The following ICA1 variants were observed in gnomAD, a reference collection of about 807,000 sequenced individuals.
ICA1 encodes 69 kDa islet cell autoantigen.
A neutral mutation model predicts 71.0 loss-of-function variants in ICA1; 40 were observed. The ratio of observed to expected loss-of-function variants is 0.56; its 90% CI spans 0.44 to 0.73. The LOEUF is 0.73. Ranked by LOEUF, ICA1 falls within the 30% of genes least tolerant of loss-of-function variation. The pLI is 0.00. For missense variants in ICA1, 578 were observed against 576.5 expected (o/e 1.00, Z -0.03); for synonymous variants, 207 against 209.5 (o/e 0.99, Z 0.10).
Position 8,173,566 on chromosome 7 carries a change from G to A in ICA1, c.580-14914C>T, listed in dbSNP as rs1224228601. ...TCCTGCATATCCTATCAAACTGTCT[G>A]TGCTTCAGGACGACCGGATAATTGA... On this transcript the variant is annotated intron_variant, in intron 6 of 13. Coordinates refer to ENST00000402384, the MANE Select transcript of ICA1 (RefSeq NM_001136020.3). The surrounding 1 kb of genome is among the most constrained non-coding windows in gnomAD (Gnocchi z 4.0). Among the ~76,000 whole-genome samples the A allele has an allele frequency of 6.6e-6, 1 of 152,202 alleles. No individual in the cohort carries two copies. The highest frequency in any genetic ancestry group is 1.5e-5 in the Non-Finnish European group (1 of 68,022).
intron 3 of ICA1, among the ~76,000 whole-genome samples, chr7:8,230,422 T>C (rs1799919718): frequency 6.6e-6 from 1 of 152,202 alleles, no homozygotes; most frequent in South Asian, 2.1e-4. Context: ...CACATCATTT[T>C]TGTATATTTC....
chr7:8,257,317 T>A (rs867282568), intron 1 of ICA1, among the ~76,000 whole-genome samples: 1 of 152,208 alleles, frequency 6.6e-6, no homozygotes, highest in Non-Finnish European at 1.5e-5. Context: ...AAGACCGGAT[T>A]TTCCCCTAGG....
chr7:8,140,890 G>C (rs181306509), intron 10 of ICA1, among the ~76,000 whole-genome samples: 1 of 152,328 alleles, frequency 6.6e-6, no homozygotes, highest in African/African-American at 2.4e-5. Flanking sequence ...GAGCAGAGGA[G>C]AAGTTCTAGA....
chr7:8,149,602 G>A (rs1467495862), intron 8 of ICA1, among the ~76,000 whole-genome samples: 3 of 152,130 alleles, frequency 2.0e-5, no homozygotes, highest in Admixed American at 2.0e-4. Context: ...AAACTACTTA[G>A]CAAAACAAAT....
intron 8 of ICA1, among the ~76,000 whole-genome samples, chr7:8,147,721 C>T (rs1797514872): frequency 6.6e-6 from 1 of 150,718 alleles, no homozygotes; most frequent in African/African-American, 2.4e-5. Flanking sequence ...CACACACACA[C>T]ACACACACAA....
chr7:8,244,812 T>G (rs1360024377), intron 1 of ICA1, among the ~76,000 whole-genome samples: 4 of 152,290 alleles, frequency 2.6e-5, no homozygotes, highest in Non-Finnish European at 5.9e-5. Flanking sequence ...GAAAAAATGC[T>G]CATCATCATT....
At chr7:8,157,799 T>G (rs1411688124) in intron 7 of ICA1, 1 of 151,878 alleles carries the variant, frequency 6.6e-6, no homozygotes, top group Admixed American at 6.6e-5. Context: ...GCAATTCTCC[T>G]GCCTCAGCCT....
intron 5 of ICA1, among the ~76,000 whole-genome samples, chr7:8,220,804 C>A (rs1474332257): frequency 6.6e-6 from 1 of 152,094 alleles, no homozygotes; most frequent in Non-Finnish European, 1.5e-5. Context: ...CTAACACACT[C>A]CCGGGTTATG....
chr7:8,117,208 G>A (rs1195557779), intron 13 of ICA1, among the ~76,000 whole-genome samples: 1 of 152,204 alleles, frequency 6.6e-6, no homozygotes, highest in Non-Finnish European at 1.5e-5. Context: ...GCTGAACTGT[G>A]AGTCACTTAA....
At chr7:8,229,632 C>T (rs1480555027) in intron 3 of ICA1, among the ~76,000 whole-genome samples, 7 of 152,166 alleles carry the variant, frequency 4.6e-5, no homozygotes, top group African/African-American at 7.2e-5. Context: ...TCTACATTTG[C>T]GTGAACACAG....
intron 1 of ICA1, among the ~76,000 whole-genome samples, chr7:8,259,585 G>A (rs762255840): frequency 2.0e-5 from 3 of 152,160 alleles, no homozygotes; most frequent in African/African-American, 2.4e-5. Flanking sequence ...ATTTAAAAGC[G>A]TGCAAAGCAT....
chr7:8,204,320 G>C (rs1346731451), intron 6 of ICA1, among the ~76,000 whole-genome samples: 2 of 152,214 alleles, frequency 1.3e-5, no homozygotes, highest in Non-Finnish European at 2.9e-5. Flanking sequence ...CAGAGGCTTG[G>C]GTTCAAATTC....
rs573367505 is a variant in ICA1 at position 8,124,454 on chromosome 7, G to GAA, written c.1330+3417_1330+3418dup. On this transcript the variant is annotated intron_variant, in intron 13 of 13. Coordinates refer to ENST00000402384, the MANE Select transcript of ICA1 (RefSeq NM_001136020.3). ...AGATTTTCTAGGCCATGAATGCAGT[G>GAA]AAAAAAAAAAAAAAAACTCAAGCTA... Among the ~76,000 whole-genome samples, 972 of 114,512 alleles carry GAA rather than the reference G, an allele frequency of 8.5e-3. 15 individuals are homozygous for GAA. The highest frequency in any genetic ancestry group is 0.031 in the African/African-American group (879 of 28,616). The allele number at this position is 114,512 out of a possible 152,430, so 75.1% of individuals were successfully genotyped here. A position where few individuals can be genotyped will look rare whatever the true frequency, so the allele number is the denominator to read the frequency against.
At position 8,123,977 on chromosome 7, in the gene ICA1, G is replaced by C. The variant is rs1788031868; in HGVS notation, c.1330+3896C>G. Among the ~76,000 whole-genome samples, 1 of 152,204 alleles carries C rather than the reference G, an allele frequency of 6.6e-6. No individual in the cohort carries two copies. Among genetic ancestry groups the C allele is most frequent in the Admixed American group, 6.5e-5 (1 of 15,284 alleles). Reference sequence around the variant, plus strand: ...TAAAACGGATAATAGTAGCTGGCTGGGAAGGGTACGGTGAGGATTAAAATT... The same window carrying C: ...TAAAACGGATAATAGTAGCTGGCTGCGAAGGGTACGGTGAGGATTAAAATT... On this transcript the variant is annotated intron_variant, in intron 13 of 13. Transcript: ENST00000402384. This position sits in a 1 kb window ranked among gnomAD's most constrained non-coding sequence, Gnocchi z 4.1.
chr7:8,258,951 T>C (rs532848605), intron 1 of ICA1, among the ~76,000 whole-genome samples: 7 of 152,106 alleles, frequency 4.6e-5, no homozygotes, highest in African/African-American at 2.4e-5. Context: ...TCACATAAGA[T>C]CATAGTTGCC....
intron 9 of ICA1, among the ~76,000 whole-genome samples, chr7:8,142,899 A>C (rs1795697202): frequency 6.6e-6 from 1 of 152,248 alleles, no homozygotes; most frequent in African/African-American, 2.4e-5. Flanking sequence ...ACTTGTCTTC[A>C]TTCTGCATCA....
intron 9 of ICA1, 129 bp downstream of exon 9, chr7:8,143,746 A>C: frequency 1.6e-6 from 1 of 627,558 alleles, no homozygotes; most frequent in South Asian, 2.0e-5. Flanking sequence ...GGATGCTAAT[A>C]CATCTACTCT....
At chr7:8,225,507 C>T (rs543570080) in intron 4 of ICA1, among the ~76,000 whole-genome samples, 1 of 152,208 alleles carries the variant, frequency 6.6e-6, no homozygotes, top group East Asian at 1.9e-4. Context: ...CTAGAATCAA[C>T]CACTTCTCCA....
rs1165932579 is a variant in ICA1, at chr7:8,232,537, C to T, written c.183+53G>A. 3 of 1,517,090 alleles carry T rather than the reference C, an allele frequency of 2.0e-6. No homozygotes were observed. In the African/African-American group the frequency reaches 4.2e-5, roughly 21 times the overall value. The allele number at this position is 1,517,090 out of a possible 1,614,324, so 94.0% of individuals were successfully genotyped here. On this transcript the variant is annotated intron_variant, in intron 3 of 13. Transcript: ENST00000402384. ...CTGCCTCAGTGAGTATACTCTAGGA[C>T]CTTGATCCTAGCAAGGTGGCTGTGT...
Sources: allele counts gnomAD v4.1 joint callset (sites outside exome capture counted in the v4.1 genomes callset), GRCh38; gene constraint gnomAD v4.1.1; non-coding constraint Gnocchi (gnomAD v3.1); transcripts MANE v1.5; gene names NCBI Gene and HGNC (gene_info 2026-07-23, HGNC 2026-07-21).